The following SLIT2 variants were observed in gnomAD, a reference collection of about 807,000 sequenced individuals.
SLIT2 encodes slit homolog 2 protein.
Under a neutral mutation model 185.7 loss-of-function variants are expected in SLIT2, and 41 were observed. The observed-to-expected ratio is 0.22, with a 90% CI of 0.17 to 0.29. SLIT2 has a LOEUF of 0.29. Ranked by LOEUF, SLIT2 falls within the 10% of genes least tolerant of loss-of-function variation. The pLI is 1.00. For missense variants in SLIT2, 1,571 were observed against 1,909.0 expected, an observed-to-expected ratio of 0.82 and a Z score of 3.30; for synonymous variants, 693 against 680.2, an observed-to-expected ratio of 1.02 and a Z score of -0.29.
At chr4:20,359,560 A>T (rs945108465) in intron 4 of SLIT2, among the ~76,000 whole-genome samples, 4 of 152,046 alleles carry the variant, frequency 2.6e-5, no homozygotes, top group Non-Finnish European at 4.4e-5. Flanking sequence ...GTCACTTAGG[A>T]TGCCATTACC....
chr4:20,507,853 T>C (rs915064385), intron 9 of SLIT2, among the ~76,000 whole-genome samples: 8 of 151,942 alleles, frequency 5.3e-5, no homozygotes, highest in African/African-American at 1.9e-4. Context: ...ATTGAAATAA[T>C]ACTTAATTGA....
intron 4 of SLIT2, among the ~76,000 whole-genome samples, chr4:20,415,963 A>T (rs1372607703): frequency 6.6e-6 from 1 of 152,104 alleles, no homozygotes; most frequent in Non-Finnish European, 1.5e-5. Flanking sequence ...AACATAATAG[A>T]TACTCAGTTA....
intron 26 of SLIT2, among the ~76,000 whole-genome samples, chr4:20,558,975 G>T (rs1228552071): frequency 1.3e-5 from 2 of 151,894 alleles, no homozygotes; most frequent in Non-Finnish European, 2.9e-5. Flanking sequence ...GGATAGTGTA[G>T]TTGCTACAAG....
At chr4:20,563,182 C>A (rs1156610499) in intron 26 of SLIT2, among the ~76,000 whole-genome samples, 1 of 151,708 alleles carries the variant, frequency 6.6e-6, no homozygotes, top group African/African-American at 2.4e-5. Flanking sequence ...ACACCTCCAC[C>A]CATATAGCTA....
intron 4 of SLIT2, among the ~76,000 whole-genome samples, chr4:20,389,231 G>A (rs185101079): frequency 1.1e-3 from 167 of 151,542 alleles, no homozygotes; most frequent in Middle Eastern, 0.01. Flanking sequence ...TTATTATAGG[G>A]TATTATTATC....
intron 28 of SLIT2, among the ~76,000 whole-genome samples, chr4:20,568,080 C>T (rs750613213): frequency 1.3e-5 from 2 of 152,014 alleles, no homozygotes; most frequent in Non-Finnish European, 2.9e-5. Context: ...TTGCTGTGAA[C>T]GATTTTAATC....
chr4:20,424,856 G>A (rs534443804), intron 4 of SLIT2, among the ~76,000 whole-genome samples: 9 of 152,130 alleles, frequency 5.9e-5, no homozygotes, highest in South Asian at 2.1e-4. Context: ...CCTCAGTACC[G>A]TGGTAACTCA....
chr4:20,612,415 C>G (rs1299168206), intron 34 of SLIT2, among the ~76,000 whole-genome samples: 2 of 151,948 alleles, frequency 1.3e-5, no homozygotes, highest in Non-Finnish European at 2.9e-5. Context: ...CTCTGTCCAC[C>G]CAGGCCTCAA....
chr4:20,601,361 C>T (rs1728398701), intron 33 of SLIT2, among the ~76,000 whole-genome samples: 1 of 152,072 alleles, frequency 6.6e-6, no homozygotes, highest in Non-Finnish European at 1.5e-5. Flanking sequence ...AAGAATTGTA[C>T]GACATGATAA....
chr4:20,386,482 T>C (rs115793365), intron 4 of SLIT2, among the ~76,000 whole-genome samples: 2,261 of 152,318 alleles, frequency 0.015, 54 homozygotes, highest in African/African-American at 0.05. Flanking sequence ...TATTCCTTTG[T>C]TGAGCAGCAT....
intron 4 of SLIT2, among the ~76,000 whole-genome samples, chr4:20,420,408 A>G (rs1728083197): frequency 6.6e-6 from 1 of 152,190 alleles, no homozygotes; most frequent in South Asian, 2.1e-4. Context: ...ATATTGATGC[A>G]ACACTTTGTA....
At chr4:20,421,170 A>T (rs965581948) in intron 4 of SLIT2, among the ~76,000 whole-genome samples, 1 of 152,130 alleles carries the variant, frequency 6.6e-6, no homozygotes, top group Non-Finnish European at 1.5e-5. Context: ...CCTAAATTTG[A>T]TGAAGGATTT....
At position 20,321,645 on chromosome 4, in the gene SLIT2, G is replaced by A. The variant is rs556439268; in HGVS notation, c.395+52764G>A. On this transcript the variant is annotated intron_variant, in intron 4 of 36. Transcript: ENST00000504154. ...CTGGTTCACTGCATTGGAACCATGC[G>A]GGAAAATTCATAAAGCATGAAATGC... Among the ~76,000 whole-genome samples, 9 of 152,246 alleles carry A rather than the reference G, an allele frequency of 5.9e-5. No homozygotes were observed. The South Asian group carries it at 8.3e-4, about 14-fold the overall frequency.
chr4:20,378,275 A>G (rs974916164), intron 4 of SLIT2, among the ~76,000 whole-genome samples: 2 of 152,198 alleles, frequency 1.3e-5, no homozygotes, highest in African/African-American at 4.8e-5. Context: ...AAAATAATGT[A>G]TTCTTTATTT....
chr4:20,612,311 CA>C (rs770199955), intron 34 of SLIT2, among the ~76,000 whole-genome samples: 2,435 of 125,842 alleles, frequency 0.019, 32 homozygotes, highest in Non-Finnish European at 0.031. Flanking sequence ...CGCCCCCCGC[CA>C]AAAAAAAAAA....
At chr4:20,472,403 G>C (rs367864419) in intron 5 of SLIT2, among the ~76,000 whole-genome samples, 1 of 44,862 alleles carries the variant, frequency 2.2e-5, no homozygotes, top group South Asian at 7.5e-4. Context: ...TATAGATATA[G>C]ATATCTATAT....
intron 4 of SLIT2, among the ~76,000 whole-genome samples, chr4:20,349,355 A>T (rs546038496): frequency 1.3e-5 from 2 of 152,222 alleles, no homozygotes; most frequent in African/African-American, 4.8e-5. Flanking sequence ...CCTAACAAGG[A>T]TGTGCACAGC....
chr4:20,524,310 TA>T (rs1721099305), intron 14 of SLIT2, 133 bp downstream of exon 14: 1 of 767,486 alleles, frequency 1.3e-6, no homozygotes, highest in Admixed American at 2.8e-5. Context: ...CCATGAATAA[TA>T]AAATAAAGAG....
At chr4:20,288,712 T>C (rs922389130) in intron 4 of SLIT2, among the ~76,000 whole-genome samples, 1 of 152,192 alleles carries the variant, frequency 6.6e-6, no homozygotes, top group African/African-American at 2.4e-5. Flanking sequence ...TTCATCACTT[T>C]ACAAAAACAA....
Sources: gnomAD v4.1 joint callset for allele counts (sites outside exome capture counted in the v4.1 genomes callset) on GRCh38, gnomAD v4.1.1 for gene constraint, MANE v1.5 for transcripts, NCBI Gene and HGNC (gene_info 2026-07-23, HGNC 2026-07-21) for gene names.